The following RNF40 variants were observed in gnomAD, a reference collection of about 807,000 sequenced individuals.
RNF40 encodes the protein E3 ubiquitin-protein ligase BRE1B.
Under a neutral mutation model 123.3 loss-of-function variants are expected in RNF40, and 39 were observed. The ratio of observed to expected loss-of-function variants is 0.32; its 90% CI spans 0.24 to 0.41. The LOEUF is 0.41. Ranked by LOEUF, RNF40 falls within the 10% of genes least tolerant of loss-of-function variation. RNF40 has a pLI of 1.00. For missense variants in RNF40, 1,003 were observed against 1,319.9 expected, an observed-to-expected ratio of 0.76 and a Z score of 3.72; for synonymous variants, 538 against 526.0, an observed-to-expected ratio of 1.02 and a Z score of -0.31.
Position 30,764,388 on chromosome 16 carries a change from G to C in RNF40, c.649+3G>C. ...CTGTCAGCGAGTGTACAGCCGAGGTGGGTTCTTTGTGCCCATACTGAAGGG... is the reference window on the plus strand; with the variant it reads ...CTGTCAGCGAGTGTACAGCCGAGGTCGGTTCTTTGTGCCCATACTGAAGGG... On this transcript the variant is annotated splice_donor_region_variant and intron_variant, in intron 5 of 19. Transcript: ENST00000324685. 2 of 1,611,106 alleles carry C rather than the reference G, an allele frequency of 1.2e-6. No individual in the cohort carries two copies. Among genetic ancestry groups the C allele is most frequent in the African/African-American group, 2.7e-5 (2 of 74,984 alleles).
intron 19 of RNF40, among the ~76,000 whole-genome samples, chr16:30,772,650 G>A (rs1182691559): frequency 6.6e-6 from 1 of 152,212 alleles, no homozygotes; most frequent in East Asian, 1.9e-4. Context: ...AACAGCAGAT[G>A]TGGACGCTTG....
rs1434591737 is a variant in RNF40, at chr16:30,775,464, C to G, written c.*1350C>G. 5.5e-6 allele frequency: 1 copy of G among 181,862 alleles called. No homozygotes were observed. Among genetic ancestry groups the G allele is most frequent in the Non-Finnish European group, 1.2e-5 (1 of 85,664 alleles). The allele number at this position is 181,862 out of a possible 1,614,324, so 11.3% of individuals were successfully genotyped here. A position where few individuals can be genotyped will look rare whatever the true frequency, so the allele number is the denominator to read the frequency against. On this transcript the variant is annotated 3_prime_UTR_variant, in exon 20 of 20. Coordinates refer to ENST00000324685, the MANE Select transcript of RNF40 (RefSeq NM_014771.4). ...ATCCTGGGAAGTGTAGTTCCTGGTC[C>G]GCACATGGTTAGGAGGTTCTCGGAG...
rs1014115941 is a variant in RNF40, at chr16:30,766,630, C to T, written c.1293+72C>T. 5.1e-5 allele frequency: 80 copies of T among 1,581,044 alleles called. No individual in the cohort carries two copies. The highest frequency in any genetic ancestry group is 8.1e-5 in the African/African-American group (6 of 74,310). ...TTAGTGTTGACGTGTTTGTGCCTTC[C>T]GAGGCCCTGTGTGCCAGCCAGGGGT... On this transcript the variant is annotated intron_variant, in intron 10 of 19. Coordinates refer to ENST00000324685, the MANE Select transcript of RNF40 (RefSeq NM_014771.4). The surrounding 1 kb of genome is among the most constrained non-coding windows in gnomAD (Gnocchi z 5.4).
At chr16:30,764,417 T>C in intron 5 of RNF40, 32 bp downstream of exon 5, 2 of 1,574,550 alleles carry the variant, frequency 1.3e-6, no homozygotes, top group African/African-American at 1.3e-5. Context: ...TGAAGGGGTG[T>C]CCATCCCCAC....
chr16:30,775,060 G>A lies in RNF40; in HGVS notation c.*946G>A. The A allele has an allele frequency of 2.2e-6, 1 of 456,454 alleles. No individual in the cohort carries two copies. Among genetic ancestry groups the A allele is most frequent in the Non-Finnish European group, 4.4e-6 (1 of 226,738 alleles). The allele number at this position is 456,454 out of a possible 1,614,324, so 28.3% of individuals were successfully genotyped here. On this transcript the variant is annotated 3_prime_UTR_variant, in exon 20 of 20. Transcript: ENST00000324685. ...CCTGCCCAGCCATGCTCCATCGGCT[G>A]TGAGGGCAGTGCCCGGAGAGGCCAG...
At chr16:30,769,667 T>A in intron 17 of RNF40, 67 bp downstream of exon 17, 1 of 1,455,444 alleles carries the variant, frequency 6.9e-7, no homozygotes, top group South Asian at 1.4e-5. Context: ...CCGGTTCTGC[T>A]CAGAGCACCC....
At position 30,766,852 on chromosome 16, in the gene RNF40, A is replaced by T. The variant is rs747136726; in HGVS notation, c.1405A>T (p.Asn469Tyr). 1 of 1,613,546 alleles carries T rather than the reference A, an allele frequency of 6.2e-7. No homozygotes were observed. Residue 469 changes from asparagine to tyrosine, a missense_variant, in exon 11 of 20, where the codon AAT becomes TAT. Transcript: ENST00000324685. This position sits in a 1 kb window ranked among gnomAD's most constrained non-coding sequence, Gnocchi z 5.4. ...YEMLRIEFEQ[N>Y]LAANEQAGPI... is the part of the protein sequence containing the mutation. The stretch of plus-strand genomic sequence containing the variant: ...GATGCTGCGCATCGAGTTTGAGCAG[A>T]ATCTGGCGGCCAACGAGCAGGCGGG...
At chr16:30,762,059 A>C, upstream of RNF40, 2 of 433,786 alleles carry the variant, frequency 4.6e-6, no homozygotes, top group East Asian at 4.3e-5. Context: ...CAGGTTGCTA[A>C]TACGAGGGCC....
At chr16:30,761,704 C>T, upstream of RNF40, 2 of 1,533,552 alleles carry the variant, frequency 1.3e-6, no homozygotes, top group Non-Finnish European at 1.7e-6. Context: ...CAAGCTCCGA[C>T]TGCACCCTCA....
At position 30,768,152 on chromosome 16, in the gene RNF40, A is replaced by T; in HGVS notation, c.1601A>T (p.His534Leu). The T allele has an allele frequency of 1.2e-6, 2 of 1,609,336 alleles. No homozygotes were observed. The highest frequency in any genetic ancestry group is 1.3e-5 in the African/African-American group (1 of 74,904). Reference protein sequence around the residue: ...GSAHSTPNLGHPEDSGVSAPA... With the variant: ...GSAHSTPNLGLPEDSGVSAPA... The stretch of plus-strand genomic sequence containing the variant: ...GCCCACTCCACCCCCAACCTGGGCC[A>T]CCCAGAGGATTCTGGCGTCAGTGCC... The change falls in exon 13 of 20, where the codon CAC becomes CTC. Residue 534 changes from histidine to leucine, a missense_variant. Around this residue, in one of 11 missense-constraint regions of RNF40, gnomAD observed 295 missense variants for 331.7 expected, o/e 0.89. Coordinates refer to ENST00000324685, the MANE Select transcript of RNF40 (RefSeq NM_014771.4). This position sits in a 1 kb window ranked among gnomAD's most constrained non-coding sequence, Gnocchi z 4.1.
At chr16:30,773,795 G>A in intron 19 of RNF40, 143 bp from the exon 20 acceptor site, 1 of 793,374 alleles carries the variant, frequency 1.3e-6, no homozygotes, top group Non-Finnish European at 2.0e-6. Context: ...CATTCATAGA[G>A]TGCTCGTCCT....
Position 30,766,547 on chromosome 16 carries a change from G to T in RNF40, c.1282G>T (p.Glu428Ter). Reference protein sequence around the residue: ...ATKNSHLRHIEHMESDELGLQ... With the variant: ...ATKNSHLRHI ...AAAGAACTCCCACCTGCGACACATC[G>T]AGCACATGGAGGTATGGCCCTGGAA... The change falls in exon 10 of 20, where the codon GAG (glutamate) becomes TAG (stop). Residue 428 changes from glutamate to a stop codon, truncating the protein, a stop_gained. Transcript: ENST00000324685. LOFTEE classifies it high-confidence loss of function. This position sits in a 1 kb window ranked among gnomAD's most constrained non-coding sequence, Gnocchi z 5.4. 1 of 1,609,518 alleles carries T rather than the reference G, an allele frequency of 6.2e-7. No individual in the cohort carries two copies. Among genetic ancestry groups the T allele is most frequent in the Non-Finnish European group, 8.5e-7 (1 of 1,177,518 alleles).
upstream of RNF40, chr16:30,761,806 C>T: frequency 6.9e-7 from 1 of 1,439,502 alleles, no homozygotes; most frequent in Non-Finnish European, 9.2e-7. Context: ...GGTTCCAGGA[C>T]AGCCAGCGCT....
At chr16:30,771,599 AGAGTAAGACTCC>A (rs1198650748) in intron 17 of RNF40, among the ~76,000 whole-genome samples, 6 of 152,044 alleles carry the variant, frequency 3.9e-5, no homozygotes, top group Non-Finnish European at 8.8e-5. Context: ...CGTGGGGGAC[AGAGTAAGACTCC>A]GTCTCAAAAA....
In RNF40 at chr16:30,768,281, TGAAGAAGGA is replaced by T; in HGVS notation, c.1732_1740del (p.Lys578_Glu580del). On this transcript the variant is annotated inframe_deletion, in exon 13 of 20. Transcript: ENST00000324685. This position sits in a 1 kb window ranked among gnomAD's most constrained non-coding sequence, Gnocchi z 4.1. ...GGCACCACCACTACTACCACTTCAG[TGAAGAAGGA>T]GGAGCTGGTCCCCTCTGAAGAGGAC... is the stretch of plus-strand genomic sequence containing the variant. The T allele has an allele frequency of 6.2e-7, 1 of 1,613,892 alleles. No individual in the cohort carries two copies. Among genetic ancestry groups the T allele is most frequent in the Non-Finnish European group, 8.5e-7 (1 of 1,180,010 alleles).
In RNF40 at chr16:30,762,582, G is replaced by A. The variant is rs1464538526; in HGVS notation, c.37G>A (p.Gly13Arg). The A allele has an allele frequency of 4.4e-6, 7 of 1,601,084 alleles. No homozygotes were observed. The highest frequency in any genetic ancestry group is 5.1e-6 in the Non-Finnish European group (6 of 1,177,176). ...AGGCAACAAACGCGCCGCCGGCGAC[G>A]GGGGCTCAGGGCCCCCGGAAAAGAA... ...GPGNKRAAGD[G>R]GSGPPEKKLS... is the part of the protein sequence containing the mutation. Residue 13 changes from glycine (G) to arginine (R), a missense_variant, in exon 2 of 20, where the codon GGG (glycine) becomes AGG (arginine). This residue lies in a region of RNF40 where 51 missense variants were observed against 56.2 expected (regional missense o/e 0.91). Transcript: ENST00000324685.
At chr16:30,772,845 G>C (rs1485893998) in intron 19 of RNF40, among the ~76,000 whole-genome samples, 1 of 152,198 alleles carries the variant, frequency 6.6e-6, no homozygotes, top group Non-Finnish European at 1.5e-5. Flanking sequence ...ACTGGAGGCA[G>C]GGAAATTGTT....
In RNF40 at chr16:30,768,843, T is replaced by C; in HGVS notation, c.2103T>C (p.Asp701=). Residue 701 remains aspartate, a synonymous_variant, in exon 15 of 20, where the codon GAT becomes GAC. Transcript: ENST00000324685. The surrounding 1 kb of genome is among the most constrained non-coding windows in gnomAD (Gnocchi z 4.1). ...TCTTCTTCCCTGTGCTATAGGTTGA[T>C]GAGCTGCGGAGCCGCATCCGGGAAT... ...AAERKAKAEV[D]ELRSRIRELE... is the part of the protein sequence containing the mutation. 1.9e-6 allele frequency: 3 copies of C among 1,614,192 alleles called. No homozygotes were observed. The highest frequency in any genetic ancestry group is 2.5e-6 in the Non-Finnish European group (3 of 1,180,024).
In RNF40 at chr16:30,766,604, G is replaced by A. The variant is rs1053002513; in HGVS notation, c.1293+46G>A. ...TTAGGGCTGGGCTAAGGGCCAAACC[G>A]TTAGTGTTGACGTGTTTGTGCCTTC... On this transcript the variant is annotated intron_variant, in intron 10 of 19. Coordinates refer to ENST00000324685, the MANE Select transcript of RNF40 (RefSeq NM_014771.4). This position sits in a 1 kb window ranked among gnomAD's most constrained non-coding sequence, Gnocchi z 5.4. 15 of 1,585,618 alleles carry A rather than the reference G, an allele frequency of 9.5e-6. No homozygotes were observed. Among genetic ancestry groups the A allele is most frequent in the South Asian group, 2.3e-5 (2 of 86,950 alleles).
Sources: allele counts gnomAD v4.1 joint callset (sites outside exome capture counted in the v4.1 genomes callset), GRCh38; gene constraint gnomAD v4.1.1; regional missense constraint gnomAD v4.1.1; non-coding constraint Gnocchi (gnomAD v3.1); transcripts MANE v1.5; gene names NCBI Gene and HGNC (gene_info 2026-07-23, HGNC 2026-07-21).